The following BMERB1 variants were observed in gnomAD, a reference collection of about 807,000 sequenced individuals.
The protein encoded by BMERB1 is bMERB domain containing 1, also known as bMERB domain-containing protein 1.
BMERB1 carries 12 observed loss-of-function variants against 23.6 expected under a neutral mutation model. The observed-to-expected ratio is 0.51, with a 90% CI of 0.33 to 0.82. The LOEUF is 0.82. Among genes scored for constraint, BMERB1 ranks in the 40% least tolerant of loss-of-function variants. BMERB1 has a pLI of 0.03. For synonymous variants in BMERB1, 122 were observed against 96.6 expected (o/e 1.26, Z -1.54); for missense variants, 247 against 255.4 (o/e 0.97, Z 0.22).
At chr16:15,462,988 C>A (rs1264349000) in intron 1 of BMERB1, among the ~76,000 whole-genome samples, 1 of 152,120 alleles carries the variant, frequency 6.6e-6, no homozygotes, top group Non-Finnish European at 1.5e-5. Flanking sequence ...GTTTCAAAAA[C>A]TGGAAAGCAT....
intron 1 of BMERB1, among the ~76,000 whole-genome samples, chr16:15,473,847 C>T (rs918183788): frequency 7.5e-4 from 114 of 151,810 alleles, no homozygotes; most frequent in Non-Finnish European, 1.6e-4. Flanking sequence ...TGGCTGGGTG[C>T]GGTGGCTCAC....
intron 2 of BMERB1, among the ~76,000 whole-genome samples, chr16:15,549,348 CAA>C (rs11367653): frequency 0.019 from 1,815 of 93,848 alleles, 44 homozygotes; most frequent in African/African-American, 0.067. Context: ...GATTCTATCT[CAA>C]AAAAAAAAAA....
chr16:15,576,695 T>C (rs1596402928), intron 3 of BMERB1, among the ~76,000 whole-genome samples: 1 of 151,940 alleles, frequency 6.6e-6, no homozygotes, highest in East Asian at 1.9e-4. Flanking sequence ...CAGGGCCTTG[T>C]TCCCTGCTAA....
At chr16:15,488,817 CA>C (rs1407097556) in intron 1 of BMERB1, among the ~76,000 whole-genome samples, 94 of 47,548 alleles carry the variant, frequency 2.0e-3, no homozygotes, top group East Asian at 3.4e-3. Context: ...GACTCCGTCT[CA>C]AAAAAAAAAA....
At chr16:15,494,488 C>T (rs2051454348) in intron 1 of BMERB1, among the ~76,000 whole-genome samples, 1 of 152,128 alleles carries the variant, frequency 6.6e-6, no homozygotes, top group South Asian at 2.1e-4. Context: ...TGTGTCATCT[C>T]TTTCAAAGTC....
At chr16:15,448,093 T>C (rs929794520) in intron 1 of BMERB1, 6 of 349,276 alleles carry the variant, frequency 1.7e-5, no homozygotes, top group East Asian at 1.7e-4. Context: ...TTTCACCCTG[T>C]TGGCCAGGCT....
At chr16:15,525,520 T>C (rs770996400) in intron 2 of BMERB1, among the ~76,000 whole-genome samples, 11 of 151,820 alleles carry the variant, frequency 7.2e-5, no homozygotes, top group Non-Finnish European at 1.5e-4. Flanking sequence ...GCCTGGCCAA[T>C]GTGGTGAATC....
At chr16:15,518,622 T>G (rs13332685) in intron 2 of BMERB1, among the ~76,000 whole-genome samples, 12,018 of 152,212 alleles carry the variant, frequency 0.079, 1,537 homozygotes, top group African/African-American at 0.27. Context: ...AGATGGTTTT[T>G]CCCGAAGCTG....
chr16:15,536,424 G>T (rs1338326416), intron 2 of BMERB1, among the ~76,000 whole-genome samples: 1 of 152,024 alleles, frequency 6.6e-6, no homozygotes, highest in Non-Finnish European at 1.5e-5. Flanking sequence ...ATCAGCTGTC[G>T]GTGACTTCTC....
chr16:15,502,941 C>G (rs2051545982), intron 1 of BMERB1, among the ~76,000 whole-genome samples: 1 of 152,116 alleles, frequency 6.6e-6, no homozygotes, highest in Admixed American at 6.5e-5. Context: ...TGGCTTCTTT[C>G]AGGGAAAGGC....
intron 5 of BMERB1, among the ~76,000 whole-genome samples, chr16:15,584,568 A>AG (rs1555515808): frequency 6.6e-6 from 1 of 151,716 alleles, no homozygotes; most frequent in Non-Finnish European, 1.5e-5. Context: ...AAAAAAAAAA[A>AG]AAAGAAAGAA....
chr16:15,498,630 G>T (rs115558876), intron 1 of BMERB1, among the ~76,000 whole-genome samples: 2,098 of 151,102 alleles, frequency 0.014, 55 homozygotes, highest in African/African-American at 0.05. Context: ...GAAAGAGAAA[G>T]GAAGAAAGAG....
intron 1 of BMERB1, among the ~76,000 whole-genome samples, chr16:15,477,766 T>A (rs1303180701): frequency 6.6e-6 from 1 of 151,524 alleles, no homozygotes; most frequent in Non-Finnish European, 1.5e-5. Flanking sequence ...TTTCCTTTAC[T>A]GTGTCTGGGA....
chr16:15,513,319 G>A (rs986092379), intron 1 of BMERB1, among the ~76,000 whole-genome samples: 15 of 152,088 alleles, frequency 9.9e-5, no homozygotes, highest in Non-Finnish European at 1.9e-4. Context: ...CATGTCTGTG[G>A]ATTGCTTAAG....
chr16:15,587,240 C>T lies in BMERB1; in HGVS notation c.*411C>T. 1 of 221,070 alleles carries T rather than the reference C, an allele frequency of 4.5e-6. No individual in the cohort carries two copies. Among genetic ancestry groups the T allele is most frequent in the Non-Finnish European group, 9.4e-6 (1 of 106,766 alleles). 13.7% of individuals were successfully genotyped at this position (221,070 alleles called of 1,614,324 possible). ...CTAGCACCATGTCGGACACGTTCCCCATCCACCCTCCTAGCTCTGCTCTCA... is the reference window on the plus strand; with the variant it reads ...CTAGCACCATGTCGGACACGTTCCCTATCCACCCTCCTAGCTCTGCTCTCA... On this transcript the variant is annotated 3_prime_UTR_variant, in exon 6 of 6. Coordinates refer to ENST00000300006, the MANE Select transcript of BMERB1 (RefSeq NM_033201.3).
At chr16:15,465,353 A>ATTTT (rs4012914) in intron 1 of BMERB1, among the ~76,000 whole-genome samples, 2 of 133,426 alleles carry the variant, frequency 1.5e-5, no homozygotes, top group South Asian at 2.3e-4. Flanking sequence ...TAAGATATAT[A>ATTTT]TTTTTTTTTT....
chr16:15,473,172 T>TA (rs1365169206), intron 1 of BMERB1, among the ~76,000 whole-genome samples: 1 of 151,784 alleles, frequency 6.6e-6, no homozygotes, highest in South Asian at 2.1e-4. Flanking sequence ...ATTCCATCTT[T>TA]AAAAAAAATT....
chr16:15,504,150 G>A (rs369496017), intron 1 of BMERB1, among the ~76,000 whole-genome samples: 1 of 152,304 alleles, frequency 6.6e-6, no homozygotes, highest in East Asian at 1.9e-4. Context: ...AAGCGTGAGA[G>A]CTGGACTCTG....
intron 5 of BMERB1, chr16:15,583,909 G>T: frequency 1.5e-6 from 1 of 675,918 alleles, no homozygotes; most frequent in South Asian, 1.6e-5. Context: ...CTACGTACCT[G>T]GTCCTGGTAG....
Sources: gnomAD v4.1 joint callset for allele counts (sites outside exome capture counted in the v4.1 genomes callset) on GRCh38, gnomAD v4.1.1 for gene constraint, MANE v1.5 for transcripts, NCBI Gene and HGNC (gene_info 2026-07-23, HGNC 2026-07-21) for gene names.